Variants in SERPINI2 observed in about 807,000 individuals in gnomAD.
SERPINI2 encodes the protein serpin I2.
SERPINI2 carries 48 observed loss-of-function variants against 47.3 expected under a neutral mutation model. The observed-to-expected ratio is 1.02, with a 90% confidence interval of 0.81 to 1.29. SERPINI2 has a LOEUF of 1.29. Among genes scored for constraint, SERPINI2 ranks in the 50% most tolerant of loss-of-function variants. SERPINI2 has a pLI of 0.00. For missense variants in SERPINI2, 448 were observed against 456.9 expected (o/e 0.98, Z 0.18); for synonymous variants, 135 against 149.3 (o/e 0.90, Z 0.70).
At chr3:167,470,272 AACTTC>A (rs1184902042) in intron 2 of SERPINI2, among the ~76,000 whole-genome samples, 8 of 152,144 alleles carry the variant, frequency 5.3e-5, no homozygotes, top group Non-Finnish European at 1.0e-4. Flanking sequence ...TCTTACAATT[AACTTC>A]ACTTCACTAT....
intron 2 of SERPINI2, among the ~76,000 whole-genome samples, chr3:167,470,550 C>CTTTTT (rs536884425): frequency 0.019 from 1,721 of 92,848 alleles, 105 homozygotes; most frequent in African/African-American, 0.024. Flanking sequence ...TGAGCAACAA[C>CTTTTT]TTTTTTTTTT....
At chr3:167,458,425 T>TG (rs1749871383) in intron 5 of SERPINI2, among the ~76,000 whole-genome samples, 1 of 114,050 alleles carries the variant, frequency 8.8e-6, no homozygotes, top group Non-Finnish European at 1.9e-5. Flanking sequence ...TAATTGTTTG[T>TG]ATTTTTTTTT....
chr3:167,467,220 A>G, exon 3 of SERPINI2: 2 of 1,613,312 alleles, frequency 1.2e-6, no homozygotes, highest in Non-Finnish European at 1.7e-6. Flanking sequence ...GCAAGATTAA[A>G]TGTAAATTCT....
intron 8 of SERPINI2, among the ~76,000 whole-genome samples, chr3:167,445,684 C>G (rs1010441665): frequency 6.6e-6 from 1 of 152,158 alleles, no homozygotes; most frequent in Non-Finnish European, 1.5e-5. Flanking sequence ...AGCATTATGA[C>G]TGCTGAAGGA....
chr3:167,444,266 A>C (rs1024807049), intron 8 of SERPINI2, among the ~76,000 whole-genome samples: 1 of 152,140 alleles, frequency 6.6e-6, no homozygotes, highest in Non-Finnish European at 1.5e-5. Flanking sequence ...CAACCTTAAA[A>C]AGGTGCTTTA....
At chr3:167,447,712 C>T (rs543191345) in intron 7 of SERPINI2, among the ~76,000 whole-genome samples, 1 of 152,310 alleles carries the variant, frequency 6.6e-6, no homozygotes, top group East Asian at 1.9e-4. Flanking sequence ...AAACAATAAT[C>T]TATAAGGACT....
chr3:167,470,902 A>G (rs557233246), intron 2 of SERPINI2, among the ~76,000 whole-genome samples: 2 of 152,166 alleles, frequency 1.3e-5, no homozygotes, highest in East Asian at 1.9e-4. Context: ...GATAGACACT[A>G]TCCCAGACAG....
intron 6 of SERPINI2, among the ~76,000 whole-genome samples, chr3:167,449,972 G>A (rs1193631062): frequency 6.6e-6 from 1 of 152,132 alleles, no homozygotes; most frequent in Non-Finnish European, 1.5e-5. Flanking sequence ...CCTCAAATCA[G>A]GTATCCAACT....
At chr3:167,467,270 A>G (rs377361222) in exon 3 of SERPINI2, 4 of 1,609,402 alleles carry the variant, frequency 2.5e-6, no homozygotes, top group Non-Finnish European at 3.4e-6. Flanking sequence ...TGACTTCAGT[A>G]CAAAAAATTC....
rs1749591260 is a variant in SERPINI2 at position 167,449,700 on chromosome 3, G to T, written c.965-298C>A. Among the ~76,000 whole-genome samples, 3 of 91,516 alleles carry T rather than the reference G, an allele frequency of 3.3e-5. No individual in the cohort carries two copies. The South Asian group carries it at 7.8e-4, about 24-fold the overall frequency. 60.0% of individuals were successfully genotyped at this position (91,516 alleles called of 152,430 possible). A position where few individuals can be genotyped will look rare whatever the true frequency, so the allele number is the denominator to read the frequency against. The stretch of plus-strand genomic sequence containing the variant: ...GTAGAGGTGGGGTTTCGGCATGTTG[G>T]CCAGGTGGTCCCGAACTCCTGACCT... On this transcript the variant is annotated intron_variant, in intron 6 of 8. Coordinates refer to ENST00000264677, the Ensembl canonical transcript of SERPINI2.
intron 5 of SERPINI2, among the ~76,000 whole-genome samples, chr3:167,460,996 T>C (rs1187919792): frequency 6.6e-6 from 1 of 152,154 alleles, no homozygotes; most frequent in African/African-American, 2.4e-5. Context: ...AAAAGTGCAA[T>C]GTAATAAGTG....
At chr3:167,449,140 C>T (rs935517595) in intron 7 of SERPINI2, among the ~76,000 whole-genome samples, 176 bp downstream of exon 7, 1 of 152,198 alleles carries the variant, frequency 6.6e-6, no homozygotes, top group East Asian at 1.9e-4. Flanking sequence ...TTGTATCATG[C>T]TGTGACTGAA....
intron 6 of SERPINI2, among the ~76,000 whole-genome samples, 171 bp downstream of exon 6, chr3:167,452,765 T>C (rs1016722920): frequency 6.6e-6 from 1 of 152,220 alleles, no homozygotes; most frequent in African/African-American, 2.4e-5. Flanking sequence ...TAAGAAAAAC[T>C]ACTTAAACAT....
exon 1 of SERPINI2, chr3:167,474,018 G>A: frequency 9.0e-7 from 1 of 1,108,032 alleles, no homozygotes; most frequent in Non-Finnish European, 1.1e-6. Context: ...ACTGACTTCT[G>A]ATTATTCACT....
chr3:167,476,107 A>T (rs1750474648), upstream of SERPINI2, among the ~76,000 whole-genome samples: 1 of 143,902 alleles, frequency 6.9e-6, no homozygotes, highest in African/African-American at 2.9e-5. Context: ...TAATACAAAC[A>T]AGGTAGCCTA....
chr3:167,456,150 CTGTGTGTGTGTGTG>C (rs68048909), intron 5 of SERPINI2, among the ~76,000 whole-genome samples: 4 of 144,516 alleles, frequency 2.8e-5, no homozygotes, highest in South Asian at 4.6e-4. Flanking sequence ...TCAATTACCT[CTGTGTGTGTGTGTG>C]TGTGTGTGTG....
At chr3:167,446,283 A>G (rs1749476991) in intron 8 of SERPINI2, 109 bp downstream of exon 8, 3 of 679,418 alleles carry the variant, frequency 4.4e-6, no homozygotes, top group Non-Finnish European at 7.3e-6. Context: ...CACTTAACAA[A>G]TATCCACTGA....
At chr3:167,475,215 G>A (rs1750451061), upstream of SERPINI2, among the ~76,000 whole-genome samples, 1 of 151,704 alleles carries the variant, frequency 6.6e-6, no homozygotes, top group African/African-American at 2.4e-5. Context: ...ACTTAACACA[G>A]AGATAATTTT....
At chr3:167,444,945 G>T (rs1275193738) in intron 8 of SERPINI2, among the ~76,000 whole-genome samples, 1 of 152,090 alleles carries the variant, frequency 6.6e-6, no homozygotes, top group Non-Finnish European at 1.5e-5. Context: ...GTGCATTGAT[G>T]CCCAATGTAG....
Sources: allele counts gnomAD v4.1 joint callset (sites outside exome capture counted in the v4.1 genomes callset), GRCh38; gene constraint gnomAD v4.1.1; transcripts MANE v1.5; gene names NCBI Gene and HGNC (gene_info 2026-07-23, HGNC 2026-07-21).